The following MAF variants were observed in gnomAD, a reference collection of about 807,000 sequenced individuals.
MAF encodes the protein transcription factor Maf.
A neutral mutation model predicts 22.0 loss-of-function variants in MAF; 10 were observed. That is an observed-to-expected ratio of 0.45 (90% confidence interval 0.28 to 0.77). The LOEUF (loss-of-function observed/expected upper bound fraction) is 0.77, where lower values mean the gene tolerates loss of function less well. Ranked by LOEUF, MAF falls within the 30% of genes least tolerant of loss-of-function variation. The pLI is 0.12. For synonymous variants in MAF, 337 were observed against 255.8 expected (o/e 1.32, Z -3.03); for missense variants, 544 against 548.4 (o/e 0.99, Z 0.08).
chr16:79,338,335 C>G, the MAF span, among the ~76,000 whole-genome samples: 5 of 152,156 alleles, frequency 3.3e-5, no homozygotes, highest in Non-Finnish European at 7.3e-5. Context: ...AGTGAGATCT[C>G]TACCTTGAAA....
the MAF span, among the ~76,000 whole-genome samples, chr16:79,575,940 A>G: frequency 2.6e-5 from 4 of 152,206 alleles, no homozygotes; most frequent in East Asian, 7.7e-4. Context: ...TGGATTTTCT[A>G]CAAGAACAGA....
chr16:79,441,936 G>A, the MAF span, among the ~76,000 whole-genome samples: 8 of 152,216 alleles, frequency 5.3e-5, no homozygotes, highest in Non-Finnish European at 8.8e-5. Flanking sequence ...GGGAGATTTG[G>A]ACACAGAGAG....
chr16:79,541,626 G>T, the MAF span, among the ~76,000 whole-genome samples: 1 of 151,628 alleles, frequency 6.6e-6, no homozygotes, highest in African/African-American at 2.4e-5. Flanking sequence ...TTCTACCAGG[G>T]CCCTTGTTAC....
the MAF span, among the ~76,000 whole-genome samples, chr16:79,475,795 T>C: frequency 6.6e-6 from 1 of 152,134 alleles, no homozygotes; most frequent in Admixed American, 6.5e-5. Context: ...TTCTTAAAGC[T>C]GTGTGATGAG....
the MAF span, among the ~76,000 whole-genome samples, chr16:79,556,983 T>TAAA: frequency 2.1e-5 from 3 of 146,058 alleles, no homozygotes; most frequent in African/African-American, 7.7e-5. Context: ...CAACAAGCTT[T>TAAA]AAAAAAAAAA....
the MAF span, among the ~76,000 whole-genome samples, chr16:79,428,958 G>C: frequency 1.3e-5 from 2 of 152,192 alleles, no homozygotes; most frequent in Non-Finnish European, 2.9e-5. Context: ...TGATGGACAG[G>C]GCAACGGAGG....
At chr16:79,540,294 G>A in the MAF span, among the ~76,000 whole-genome samples, 1 of 151,624 alleles carries the variant, frequency 6.6e-6, no homozygotes, top group Non-Finnish European at 1.5e-5. Flanking sequence ...CAGACACATC[G>A]AGATTGCAGT....
At chr16:79,375,193 G>T in the MAF span, among the ~76,000 whole-genome samples, 2 of 152,214 alleles carry the variant, frequency 1.3e-5, no homozygotes, top group African/African-American at 4.8e-5. Flanking sequence ...ATCTCTTTCA[G>T]CAAGGGAGGT....
the MAF span, among the ~76,000 whole-genome samples, chr16:79,392,237 G>A: frequency 6.8e-6 from 1 of 146,720 alleles, no homozygotes; most frequent in Admixed American, 6.9e-5. Context: ...AGAAGGAGGG[G>A]GAGAGGAGAA....
At chr16:79,209,252 C>T in the MAF span, among the ~76,000 whole-genome samples, 2 of 152,144 alleles carry the variant, frequency 1.3e-5, no homozygotes, top group Admixed American at 6.5e-5. Flanking sequence ...AAGGTAGGTC[C>T]CCAGCTCCTG....
the MAF span, among the ~76,000 whole-genome samples, chr16:79,221,386 G>A: frequency 6.6e-6 from 1 of 152,140 alleles, no homozygotes; most frequent in Non-Finnish European, 1.5e-5. Context: ...GAACCTTCCA[G>A]AAGCCTGTGT....
the MAF span, among the ~76,000 whole-genome samples, chr16:79,530,656 A>G: frequency 6.6e-6 from 1 of 152,240 alleles, no homozygotes; most frequent in African/African-American, 2.4e-5. Flanking sequence ...CTAATTATTG[A>G]AAGTATGACT....
chr16:79,218,350 C>T, the MAF span, among the ~76,000 whole-genome samples: 9 of 152,176 alleles, frequency 5.9e-5, no homozygotes, highest in East Asian at 1.5e-3. Flanking sequence ...TACTGTGGGA[C>T]ATTTAGGTTA....
the MAF span, among the ~76,000 whole-genome samples, chr16:79,461,526 T>G: frequency 1.3e-5 from 2 of 152,068 alleles, no homozygotes; most frequent in Admixed American, 1.3e-4. Context: ...CCAAAAAGGC[T>G]CTTTGTCATC....
At chr16:79,259,224 T>C in the MAF span, among the ~76,000 whole-genome samples, 1 of 152,156 alleles carries the variant, frequency 6.6e-6, no homozygotes, top group Admixed American at 6.5e-5. Context: ...CTCAGTCCCC[T>C]TGGCCTTCTG....
At chr16:79,240,774 T>C in the MAF span, among the ~76,000 whole-genome samples, 1 of 151,860 alleles carries the variant, frequency 6.6e-6, no homozygotes, top group Non-Finnish European at 1.5e-5. Context: ...TAGGGGCCAA[T>C]GGACACCTCA....
the MAF span, among the ~76,000 whole-genome samples, chr16:79,391,176 G>C: frequency 2.6e-5 from 4 of 152,146 alleles, no homozygotes; most frequent in African/African-American, 9.7e-5. Flanking sequence ...GAAACCCAGT[G>C]CTCTAAGACC....
the MAF span, among the ~76,000 whole-genome samples, chr16:79,309,776 G>T: frequency 6.6e-6 from 1 of 152,178 alleles, no homozygotes; most frequent in East Asian, 1.9e-4. Flanking sequence ...TGATGCAGAT[G>T]GCTCCCCTTA....
chr16:79,330,056 T>C, the MAF span, among the ~76,000 whole-genome samples: 1 of 152,210 alleles, frequency 6.6e-6, no homozygotes, highest in Non-Finnish European at 1.5e-5. Context: ...CAACGCACCA[T>C]TTTTTACTAA....
Sources: allele counts gnomAD v4.1 joint callset (sites outside exome capture counted in the v4.1 genomes callset), GRCh38; gene constraint gnomAD v4.1.1; transcripts MANE v1.5; gene names NCBI Gene and HGNC (gene_info 2026-07-23, HGNC 2026-07-21).